Variants in TTC7B observed in about 807,000 individuals in gnomAD.
The protein encoded by TTC7B is tetratricopeptide repeat protein 7B.
TTC7B carries 28 observed loss-of-function variants against 106.8 expected under a neutral mutation model. The ratio of observed to expected loss-of-function variants is 0.26; its 90% CI spans 0.19 to 0.36. The LOEUF (loss-of-function observed/expected upper bound fraction) is 0.36, where lower values mean the gene tolerates loss of function less well. Ranked by LOEUF, TTC7B falls within the 10% of genes least tolerant of loss-of-function variation. The pLI is 1.00. For synonymous variants in TTC7B, 405 were observed against 430.6 expected (o/e 0.94, Z 0.74); for missense variants, 862 against 1,076.4 (o/e 0.80, Z 2.79).
intron 15 of TTC7B, among the ~76,000 whole-genome samples, chr14:90,621,358 G>A (rs890693705): frequency 6.6e-5 from 10 of 150,714 alleles, no homozygotes; most frequent in Non-Finnish European, 1.2e-4. Context: ...CGGCCGGGAC[G>A]ATGGGCAGAG....
At chr14:90,656,810 C>T (rs1770757700) in intron 11 of TTC7B, among the ~76,000 whole-genome samples, 1 of 152,164 alleles carries the variant, frequency 6.6e-6, no homozygotes, top group African/African-American at 2.4e-5. Flanking sequence ...AAAGCAAAAA[C>T]AAACCAGGTT....
intron 19 of TTC7B, among the ~76,000 whole-genome samples, chr14:90,565,399 C>CTTTTTTTTTTT (rs35307541): frequency 9.3e-6 from 1 of 107,598 alleles, no homozygotes; most frequent in Non-Finnish European, 1.9e-5. Flanking sequence ...TCCTTTCTAG[C>CTTTTTTTTTTT]TTTTTTTTTT....
At chr14:90,741,697 T>A (rs1423502605) in intron 4 of TTC7B, among the ~76,000 whole-genome samples, 1 of 152,196 alleles carries the variant, frequency 6.6e-6, no homozygotes, top group Non-Finnish European at 1.5e-5. Context: ...CAATCAAGTA[T>A]CTCTTGCATA....
chr14:90,549,887 T>C (rs1294578), intron 19 of TTC7B, among the ~76,000 whole-genome samples: 46,412 of 152,052 alleles, frequency 0.31, 8,160 homozygotes, highest in Admixed American at 0.41. Context: ...ACGCCTTCAG[T>C]GGGTGGCAGC....
rs1297336319 is a variant in TTC7B, at chr14:90,539,423, T to C, written c.*1945A>G. 1.3e-5 allele frequency: 2 copies of C among 152,326 alleles called. No individual in the cohort carries two copies. Among genetic ancestry groups the C allele is most frequent in the African/African-American group, 4.8e-5 (2 of 41,462 alleles). 9.4% of individuals were successfully genotyped at this position (152,326 alleles called of 1,614,324 possible). On this transcript the variant is annotated 3_prime_UTR_variant, in exon 20 of 20. Coordinates refer to ENST00000328459, the MANE Select transcript of TTC7B (RefSeq NM_001010854.2). ...GCAGAGCCCAGCCCTGTGCCTCCAA[T>C]CAGGGCAAGCTGCCACCACACTGAG...
At chr14:90,797,460 GA>G (rs554836501) in intron 1 of TTC7B, among the ~76,000 whole-genome samples, 3 of 148,304 alleles carry the variant, frequency 2.0e-5, no homozygotes, top group East Asian at 4.0e-4. Flanking sequence ...TTAGTCTAAA[GA>G]AAAAAAAAGC....
chr14:90,604,294 A>G (rs1303086331), intron 17 of TTC7B, among the ~76,000 whole-genome samples: 1 of 152,274 alleles, frequency 6.6e-6, no homozygotes, highest in East Asian at 1.9e-4. Flanking sequence ...GCCAGTAGGC[A>G]TTGTATTAAG....
At chr14:90,664,523 G>A (rs935418318) in intron 9 of TTC7B, among the ~76,000 whole-genome samples, 4 of 152,080 alleles carry the variant, frequency 2.6e-5, no homozygotes, top group Admixed American at 6.5e-5. Context: ...CGCCCGCCTC[G>A]GCCTCCCAAA....
At chr14:90,680,229 G>A (rs4293305) in intron 8 of TTC7B, among the ~76,000 whole-genome samples, 77 of 152,260 alleles carry the variant, frequency 5.1e-4, no homozygotes, top group African/African-American at 1.7e-3. Context: ...ACTAAGATAC[G>A]TGCTTCAAGA....
intron 15 of TTC7B, among the ~76,000 whole-genome samples, chr14:90,627,315 C>A (rs942025479): frequency 6.6e-6 from 1 of 152,078 alleles, no homozygotes; most frequent in Non-Finnish European, 1.5e-5. Flanking sequence ...TCTCCAGCTG[C>A]TGGAGAAGGG....
At chr14:90,598,210 G>A (rs562743908) in intron 17 of TTC7B, among the ~76,000 whole-genome samples, 40 of 152,340 alleles carry the variant, frequency 2.6e-4, no homozygotes, top group African/African-American at 8.9e-4. Flanking sequence ...AAGGGCTGAC[G>A]TAGGCAGGTG....
At chr14:90,576,248 T>C (rs1234811073) in intron 19 of TTC7B, among the ~76,000 whole-genome samples, 1 of 152,144 alleles carries the variant, frequency 6.6e-6, no homozygotes, top group African/African-American at 2.4e-5. Context: ...TGGCGGGGAT[T>C]GTACGTCTTC....
At chr14:90,642,808 T>TTCCA (rs1271939384) in intron 15 of TTC7B, 1 of 152,134 alleles carries the variant, frequency 6.6e-6, no homozygotes, top group East Asian at 1.9e-4. Flanking sequence ...GTTTAAGAAC[T>TTCCA]TCCATTTCCT....
chr14:90,676,071 T>C (rs1886822113), intron 9 of TTC7B: 2 of 152,840 alleles, frequency 1.3e-5, no homozygotes, highest in African/African-American at 4.8e-5. Context: ...CAAAAGACTC[T>C]GAAAGAAGAC....
chr14:90,633,466 A>G (rs1173497049), intron 15 of TTC7B, among the ~76,000 whole-genome samples: 1 of 152,218 alleles, frequency 6.6e-6, no homozygotes, highest in South Asian at 2.1e-4. Context: ...TTTCAGTAAC[A>G]CTGAAGTTCT....
intron 7 of TTC7B, among the ~76,000 whole-genome samples, chr14:90,688,269 C>T: frequency 6.6e-6 from 1 of 152,122 alleles, no homozygotes; most frequent in South Asian, 2.1e-4. Context: ...GTGGGCAGAT[C>T]ACCTGAGGTC....
intron 5 of TTC7B, among the ~76,000 whole-genome samples, chr14:90,717,271 G>A (rs560170223): frequency 4.0e-5 from 6 of 151,834 alleles, no homozygotes; most frequent in East Asian, 3.9e-4. Flanking sequence ...CCCGGGAGGC[G>A]GAGCTTGCAG....
chr14:90,747,323 A>G (rs1452309055), intron 3 of TTC7B, among the ~76,000 whole-genome samples: 1 of 152,232 alleles, frequency 6.6e-6, no homozygotes, highest in Non-Finnish European at 1.5e-5. Context: ...CAGAAGCTTG[A>G]GCCTGGTCTC....
chr14:90,550,865 G>A (rs1332114991), intron 19 of TTC7B, among the ~76,000 whole-genome samples: 1 of 152,134 alleles, frequency 6.6e-6, no homozygotes, highest in Non-Finnish European at 1.5e-5. Flanking sequence ...AGTAGGGAAG[G>A]AGAAGTCCCA....
Sources: gnomAD v4.1 joint callset for allele counts (sites outside exome capture counted in the v4.1 genomes callset) on GRCh38, gnomAD v4.1.1 for gene constraint, MANE v1.5 for transcripts, NCBI Gene and HGNC (gene_info 2026-07-23, HGNC 2026-07-21) for gene names.